Variants in PDCL2 observed in about 807,000 individuals in gnomAD.
PDCL2 encodes phosducin like 2.
A neutral mutation model predicts 30.3 loss-of-function variants in PDCL2; 23 were observed. The observed-to-expected ratio is 0.76, with a 90% CI of 0.55 to 1.08. PDCL2 has a LOEUF of 1.08. Among genes scored for constraint, PDCL2 ranks in the 50% least tolerant of loss-of-function variants. The probability of loss-of-function intolerance (pLI) is 0.00; values close to 1 mark genes in which losing one functional copy is unlikely to be tolerated. For synonymous variants in PDCL2, 68 were observed against 86.2 expected (o/e 0.79, Z 1.17); for missense variants, 243 against 282.3 (o/e 0.86, Z 1.00).
At chr4:55,571,862 C>G (rs1732435295) in intron 3 of PDCL2, among the ~76,000 whole-genome samples, 1 of 151,252 alleles carries the variant, frequency 6.6e-6, no homozygotes, top group African/African-American at 2.4e-5. Flanking sequence ...TCAATTTTTC[C>G]TCCACTGGCC....
At chr4:55,590,151 C>T (rs1194233701) in intron 1 of PDCL2, among the ~76,000 whole-genome samples, 10 of 134,536 alleles carry the variant, frequency 7.4e-5, no homozygotes, top group Non-Finnish European at 1.2e-4. Flanking sequence ...AAGCTGAGAT[C>T]GCACCACTGT....
intron 5 of PDCL2, among the ~76,000 whole-genome samples, chr4:55,560,153 A>G (rs972742658): frequency 3.6e-5 from 5 of 139,128 alleles, no homozygotes; most frequent in African/African-American, 1.3e-4. Context: ...TTTAAAATAT[A>G]CCAATAAATT....
At position 55,592,126 on chromosome 4, in the gene PDCL2, C is replaced by T. The variant is rs769530437; in HGVS notation, c.-17G>A. 1.1e-5 allele frequency: 18 copies of T among 1,609,086 alleles called. No homozygotes were observed. Among genetic ancestry groups the T allele is most frequent in the Non-Finnish European group, 1.5e-5 (18 of 1,178,338 alleles). On this transcript the variant is annotated 5_prime_UTR_variant, in exon 1 of 6. Transcript: ENST00000295645. Reference sequence around the variant, plus strand: ...CACCTGCATGATGCGCTGCTCTGCCCCTCAAGAGCCCGCGTCGTCCTGCAG... The same window carrying T: ...CACCTGCATGATGCGCTGCTCTGCCTCTCAAGAGCCCGCGTCGTCCTGCAG...
At chr4:55,581,896 A>G (rs1189282496) in intron 2 of PDCL2, among the ~76,000 whole-genome samples, 1 of 152,072 alleles carries the variant, frequency 6.6e-6, no homozygotes, top group African/African-American at 2.4e-5. Context: ...TTTAGTAGAG[A>G]TGGGGTTTCA....
At chr4:55,582,282 T>A (rs1290736810) in intron 1 of PDCL2, 45 bp from the exon 2 acceptor site, 1 of 1,521,856 alleles carries the variant, frequency 6.6e-7, no homozygotes, top group Non-Finnish European at 8.8e-7. Context: ...GTTGTACACT[T>A]TAATATGTAT....
Position 55,582,244 on chromosome 4 carries a change from A to AAAAAG in PDCL2, c.7-12_7-8dup, listed in dbSNP as rs752525270. On this transcript the variant is annotated splice_region_variant and splice_polypyrimidine_tract_variant and intron_variant, in intron 1 of 5. Transcript: ENST00000295645. Reference sequence around the variant, plus strand: ...CTGTATCTTCATTGGGATCCTACACAAAAAGAAAAGAAAAGAAAATTAACA... The same window carrying AAAAAG: ...CTGTATCTTCATTGGGATCCTACACAAAAAGAAAAGAAAAGAAAAGAAAATTAACA... 6 of 1,583,564 alleles carry AAAAAG rather than the reference A, an allele frequency of 3.8e-6. No individual in the cohort carries two copies. The highest frequency in any genetic ancestry group is 1.7e-4 in the Middle Eastern group (1 of 5,984).
rs1182137929 is a variant in PDCL2 at position 55,559,278 on chromosome 4, A to T, written c.572-2567T>A. ...CAATTCTCCATATATCCTTGAGAAA[A>T]TTTTTACAGGTGGGCACAACAATGG... On this transcript the variant is annotated intron_variant, in intron 5 of 5. Coordinates refer to ENST00000295645, the MANE Select transcript of PDCL2 (RefSeq NM_152401.3). Among the ~76,000 whole-genome samples, 4 of 152,184 alleles carry T rather than the reference A, an allele frequency of 2.6e-5. No individual in the cohort carries two copies. The East Asian group carries it at 7.7e-4, about 29-fold the overall frequency.
rs769594917 is a variant in PDCL2 at position 55,582,137 on chromosome 4, C to T, written c.107G>A (p.Arg36His). 1.6e-5 allele frequency: 26 copies of T among 1,613,092 alleles called. No individual in the cohort carries two copies. The highest frequency in any genetic ancestry group is 2.1e-5 in the Non-Finnish European group (25 of 1,179,686). The change falls in exon 2 of 6, where the codon CGT becomes CAT. Residue 36 changes from arginine to histidine, a missense_variant. Arg to His is a conservative substitution (Grantham distance 29). Coordinates refer to ENST00000295645, the MANE Select transcript of PDCL2 (RefSeq NM_152401.3). ...SKDEIEEMVL[R>H]LQKEAMVKPF... ...CATACCCATTGCTTCTTTCTGTAAA[C>T]GTAAAACCATTTCTTCAATTTCATC...
At chr4:55,573,571 G>A (rs1451667524) in intron 3 of PDCL2, among the ~76,000 whole-genome samples, 2 of 152,050 alleles carry the variant, frequency 1.3e-5, no homozygotes, top group Non-Finnish European at 1.5e-5. Context: ...CCAACGTGGT[G>A]AAATGCTGTC....
In PDCL2 at chr4:55,590,772, G is replaced by T. The variant is rs141649394; in HGVS notation, c.6+1332C>A. ...AGCCTCCCAAAGTGCTGGGGTTACAGGCATGAGCCACTGCCCTCGGCCATG... is the reference window on the plus strand; with the variant it reads ...AGCCTCCCAAAGTGCTGGGGTTACATGCATGAGCCACTGCCCTCGGCCATG... On this transcript the variant is annotated intron_variant, in intron 1 of 5. Transcript: ENST00000295645. Among the ~76,000 whole-genome samples the T allele has an allele frequency of 9.7e-3, 1,480 of 152,226 alleles. 27 individuals are homozygous for T. The highest frequency in any genetic ancestry group is 0.034 in the African/African-American group (1,412 of 41,530).
chr4:55,588,209 A>G (rs1732909867), intron 1 of PDCL2, among the ~76,000 whole-genome samples: 1 of 152,240 alleles, frequency 6.6e-6, no homozygotes, highest in East Asian at 1.9e-4. Context: ...GACACAAGCT[A>G]CACACCTCCC....
intron 1 of PDCL2, among the ~76,000 whole-genome samples, chr4:55,587,217 A>G (rs1016387121): frequency 9.5e-5 from 1 of 10,558 alleles, no homozygotes; most frequent in African/African-American, 4.2e-4. Flanking sequence ...ACAGAATAGT[A>G]AAAAAAAAAA....
At chr4:55,580,607 T>C (rs1001317770) in intron 3 of PDCL2, among the ~76,000 whole-genome samples, 2 of 152,190 alleles carry the variant, frequency 1.3e-5, no homozygotes, top group African/African-American at 4.8e-5. Flanking sequence ...TGTACATGAT[T>C]GGATAATTTT....
In PDCL2 at chr4:55,562,478, A is replaced by G. The variant is rs1196588480; in HGVS notation, c.497T>C (p.Val166Ala). The G allele has an allele frequency of 2.6e-6, 4 of 1,555,198 alleles. No individual in the cohort carries two copies. The African/African-American group carries it at 5.6e-5, about 22-fold the overall frequency. ...YHDNCLPTIF[V>A]YKNGQIEAKF... ...GGCTTCTATCTGACCATTTTTATAC[A>G]CAAAAATTGTTGGTAAACAATTGTC... Residue 166 changes from valine (V) to alanine (A), a missense_variant, in exon 5 of 6, where the codon GTG (valine) becomes GCG (alanine). Transcript: ENST00000295645.
At chr4:55,576,201 C>T (rs575134406) in intron 3 of PDCL2, among the ~76,000 whole-genome samples, 223 of 152,230 alleles carry the variant, frequency 1.5e-3, no homozygotes, top group Middle Eastern at 3.4e-3. Flanking sequence ...AAGCAATTCT[C>T]ACACCTAGCC....
rs1469251026 is a variant in PDCL2 at position 55,569,846 on chromosome 4, C to T, written c.234G>A (p.Gln78=). The change falls in exon 4 of 6, where the codon CAG becomes CAA. Residue 78 remains glutamine (Q), a synonymous_variant. Transcript: ENST00000295645. ...AVETYRKKRL[Q]EWKALKKKQK... is the part of the protein sequence containing the mutation. ...GTTTTTTCTTAAGAGCTTTCCATTC[C>T]TGTAACCGCTTCTTTCTAATTAAAA... 3.3e-6 allele frequency: 5 copies of T among 1,522,282 alleles called. No homozygotes were observed. The highest frequency in any genetic ancestry group is 4.5e-6 in the Non-Finnish European group (5 of 1,122,466). 94.3% of individuals were successfully genotyped at this position (1,522,282 alleles called of 1,614,324 possible).
chr4:55,563,102 G>C (rs989085845), intron 4 of PDCL2, among the ~76,000 whole-genome samples: 1 of 152,100 alleles, frequency 6.6e-6, no homozygotes. Context: ...CCACATCCTG[G>C]TGGCCCATTA....
At chr4:55,586,631 A>T (rs1484237342) in intron 1 of PDCL2, among the ~76,000 whole-genome samples, 2 of 152,200 alleles carry the variant, frequency 1.3e-5, no homozygotes, top group Admixed American at 1.3e-4. Context: ...AAGCTGTTAT[A>T]AAAATGGGTA....
chr4:55,579,441 G>A (rs1272300926), intron 3 of PDCL2, among the ~76,000 whole-genome samples: 1 of 152,104 alleles, frequency 6.6e-6, no homozygotes, highest in Non-Finnish European at 1.5e-5. Context: ...CGATTCTCCT[G>A]CCTCAGCTTC....
Sources: allele counts gnomAD v4.1 joint callset (sites outside exome capture counted in the v4.1 genomes callset), GRCh38; gene constraint gnomAD v4.1.1; transcripts MANE v1.5; gene names NCBI Gene and HGNC (gene_info 2026-07-23, HGNC 2026-07-21).